The following LUZP1 variants were observed in gnomAD, a reference collection of about 807,000 sequenced individuals.
The protein encoded by LUZP1 is leucine zipper protein 1, also known as filamin mechanobinding actin cross-linking protein.
A neutral mutation model predicts 71.3 loss-of-function variants in LUZP1; 25 were observed. The observed-to-expected ratio is 0.35, with a 90% CI of 0.26 to 0.49. The LOEUF (loss-of-function observed/expected upper bound fraction) is 0.49, where lower values mean the gene tolerates loss of function less well. LUZP1 is among the 20% of genes least tolerant of loss of function. The probability of loss-of-function intolerance (pLI) is 0.99; values close to 1 mark genes in which losing one functional copy is unlikely to be tolerated. For missense variants in LUZP1, 1,142 were observed against 1,300.8 expected, an observed-to-expected ratio of 0.88 and a Z score of 1.88; for synonymous variants, 481 against 506.4, an observed-to-expected ratio of 0.95 and a Z score of 0.67.
chr1:23,093,851 C>T lies in LUZP1; in HGVS notation c.411G>A (p.Leu137=), dbSNP rs1252410219. Residue 137 remains leucine, a synonymous_variant, in exon 4 of 5, where the codon CTG becomes CTA. Transcript: ENST00000302291. This position sits in a 1 kb window ranked among gnomAD's most constrained non-coding sequence, Gnocchi z 4.2. ...TTCTCTCCTCATTCAGGCTCAGACA[C>T]AGCTGGGTACAGTCATTCTTACTCC... 1.2e-6 allele frequency: 2 copies of T among 1,614,088 alleles called. No individual in the cohort carries two copies. Among genetic ancestry groups the T allele is most frequent in the Non-Finnish European group, 8.5e-7 (1 of 1,180,018 alleles).
chr1:23,164,351 C>A (rs569045631), intron 2 of LUZP1, among the ~76,000 whole-genome samples: 4 of 151,900 alleles, frequency 2.6e-5, no homozygotes, highest in Non-Finnish European at 5.9e-5. Flanking sequence ...AAAAATTAGC[C>A]GGGCATGGTG....
At chr1:23,152,963 A>C (rs932992896) in intron 2 of LUZP1, among the ~76,000 whole-genome samples, 2 of 152,122 alleles carry the variant, frequency 1.3e-5, no homozygotes, top group African/African-American at 4.8e-5. Context: ...CCACTTGCTA[A>C]ATTCATGCCT....
chr1:23,138,997 CA>C (rs535524035), intron 2 of LUZP1, among the ~76,000 whole-genome samples: 111 of 21,562 alleles, frequency 5.1e-3, no homozygotes, highest in South Asian at 6.3e-3. Context: ...GACTCCATCT[CA>C]AAAAAAAAAA....
At chr1:23,169,235 G>A (rs995964866) in intron 1 of LUZP1, among the ~76,000 whole-genome samples, 3 of 152,114 alleles carry the variant, frequency 2.0e-5, no homozygotes, top group Admixed American at 6.6e-5. Context: ...GGCGCCCGCC[G>A]GTAAGCTAAA....
At chr1:23,168,427 T>C (rs1306980891) in intron 2 of LUZP1, among the ~76,000 whole-genome samples, 1 of 135,646 alleles carries the variant, frequency 7.4e-6, no homozygotes, top group Non-Finnish European at 1.6e-5. Flanking sequence ...CCTCCGCGTC[T>C]CTGCCCCAAA....
At chr1:23,108,491 T>C (rs191535537) in intron 3 of LUZP1, among the ~76,000 whole-genome samples, 20 of 152,108 alleles carry the variant, frequency 1.3e-4, no homozygotes, top group African/African-American at 4.1e-4. Context: ...TCCCAGTTAC[T>C]AGGGAGGCTG....
intron 2 of LUZP1, among the ~76,000 whole-genome samples, chr1:23,115,078 A>G (rs543673440): frequency 3.3e-5 from 5 of 152,330 alleles, no homozygotes; most frequent in African/African-American, 1.2e-4. Flanking sequence ...AACTTTTTTA[A>G]TAATTTTCTA....
At chr1:23,088,715 G>T in exon 5 of LUZP1, 1 of 719,870 alleles carries the variant, frequency 1.4e-6, no homozygotes. Flanking sequence ...CCAGCTTGTA[G>T]TCTCTGATTC....
At chr1:23,086,893 T>C (rs1399205284) in exon 5 of LUZP1, 3 of 152,384 alleles carry the variant, frequency 2.0e-5, no homozygotes, top group African/African-American at 7.2e-5. Context: ...GTATGAGCAA[T>C]AGATTCCTGT....
At chr1:23,173,520 A>AT (rs1295225371) in intron 1 of LUZP1, among the ~76,000 whole-genome samples, 2 of 150,800 alleles carry the variant, frequency 1.3e-5, no homozygotes, top group African/African-American at 4.9e-5. Flanking sequence ...AGCCCAGCTA[A>AT]TTTTTTTTGT....
Position 23,106,007 on chromosome 1 carries a change from A to G in LUZP1, c.-120+3015T>C, listed in dbSNP as rs1242698456. ...TGAAATGCTCTGATATATATATCAA[A>G]CTGCTATATGGTAATTATCTCTGGA... On this transcript the variant is annotated intron_variant, in intron 3 of 4. Coordinates refer to ENST00000302291, the Ensembl canonical transcript of LUZP1. Among the ~76,000 whole-genome samples the G allele has an allele frequency of 2.0e-5, 3 of 152,208 alleles. No homozygotes were observed. The East Asian group carries it at 5.8e-4, about 29-fold the overall frequency.
At chr1:23,155,709 G>A (rs936252092) in intron 2 of LUZP1, among the ~76,000 whole-genome samples, 7 of 152,082 alleles carry the variant, frequency 4.6e-5, no homozygotes, top group Admixed American at 2.6e-4. Context: ...CCAGCTACTC[G>A]GAAGGCTGAG....
At chr1:23,168,678 C>G (rs1397932499) in intron 2 of LUZP1, 88 bp downstream of exon 1, 1 of 153,332 alleles carries the variant, frequency 6.5e-6, no homozygotes, top group Non-Finnish European at 1.5e-5. Flanking sequence ...CGCGGGTGCC[C>G]CGACCTCACC....
chr1:23,093,093 G>A lies in LUZP1; in HGVS notation c.1169C>T (p.Ala390Val), dbSNP rs544676272. 17 of 1,614,056 alleles carry A rather than the reference G, an allele frequency of 1.1e-5. No individual in the cohort carries two copies. The highest frequency in any genetic ancestry group is 5.5e-5 in the South Asian group (5 of 91,072). The change falls in exon 4 of 5, where the codon GCG (alanine) becomes GTG (valine). Residue 390 changes from alanine (A) to valine (V), a missense_variant. Physicochemically the swap from Ala to Val is moderately conservative, Grantham distance 64. Transcript: ENST00000302291. The surrounding 1 kb of genome is among the most constrained non-coding windows in gnomAD (Gnocchi z 4.2). ...CTTATGCTGAGGAGACAGTTCCCGC[G>A]CTGTGTGCTTGGACACAGAAGCTTC... is the stretch of plus-strand genomic sequence containing the variant.
chr1:23,143,104 G>A (rs941030643), intron 2 of LUZP1, among the ~76,000 whole-genome samples: 10 of 151,964 alleles, frequency 6.6e-5, no homozygotes, highest in African/African-American at 2.4e-4. Flanking sequence ...CATCTCCTGG[G>A]TTCGAGCAAT....
intron 2 of LUZP1, among the ~76,000 whole-genome samples, chr1:23,151,762 G>A (rs1644386557): frequency 6.6e-6 from 1 of 152,136 alleles, no homozygotes; most frequent in Non-Finnish European, 1.5e-5. Context: ...CCCTGCACTT[G>A]GGAGGCCAGG....
chr1:23,092,774 G>A lies in LUZP1; in HGVS notation c.1488C>T (p.Thr496=), dbSNP rs201056414. 4.1e-5 allele frequency: 66 copies of A among 1,613,598 alleles called. No individual in the cohort carries two copies. The African/African-American group carries it at 7.3e-4, about 18-fold the overall frequency. The change falls in exon 4 of 5, where the codon ACC becomes ACT. Residue 496 remains threonine (T), a synonymous_variant. Coordinates refer to ENST00000302291, the Ensembl canonical transcript of LUZP1. The stretch of plus-strand genomic sequence containing the variant: ...CCACTTTTCCCTTCAGTCCGCTCTC[G>A]GTGCCTGGCTTGGAAGTCCCCTTCC...
chr1:23,130,938 T>C (rs1569630331), intron 2 of LUZP1, among the ~76,000 whole-genome samples: 1 of 151,458 alleles, frequency 6.6e-6, no homozygotes, highest in South Asian at 2.1e-4. Flanking sequence ...TACCTGGGGG[T>C]TGGGCACAGT....
rs552636573 is a variant in LUZP1, at chr1:23,144,507, T to C, written c.-226+24259A>G. ...CAACTCACATAACACCAACAGATCA[T>C]ACTGGTAGCTCAGGTCTCCTCTCAT... is the stretch of plus-strand genomic sequence containing the variant. On this transcript the variant is annotated intron_variant, in intron 2 of 4. Coordinates refer to ENST00000302291, the Ensembl canonical transcript of LUZP1. 3.3e-5 allele frequency among the ~76,000 whole-genome samples: 5 copies of C among 152,340 alleles called. No homozygotes were observed. In the East Asian group the frequency reaches 9.6e-4, roughly 29 times the overall value.
Sources: allele counts gnomAD v4.1 joint callset (sites outside exome capture counted in the v4.1 genomes callset), GRCh38; gene constraint gnomAD v4.1.1; non-coding constraint Gnocchi (gnomAD v3.1); transcripts MANE v1.5; gene names NCBI Gene and HGNC (gene_info 2026-07-23, HGNC 2026-07-21).